The following CGREF1 variants were observed in gnomAD, a reference collection of about 807,000 sequenced individuals.
CGREF1 encodes cell growth regulator with EF-hand domain 1, also known as cell growth regulator with EF hand domain protein 1.
CGREF1 carries 16 observed loss-of-function variants against 17.4 expected under a neutral mutation model. That is an observed-to-expected ratio of 0.92 (90% CI 0.62 to 1.40). The LOEUF is 1.40. Among genes scored for constraint, CGREF1 ranks in the 40% most tolerant of loss-of-function variants. The pLI, the probability that CGREF1 is intolerant of heterozygous loss-of-function variation, is 0.00. For missense variants in CGREF1, 296 were observed against 376.4 expected, an observed-to-expected ratio of 0.79 and a Z score of 1.77; for synonymous variants, 142 against 154.6, an observed-to-expected ratio of 0.92 and a Z score of 0.61.
chr2:27,102,496 C>T, intron 3 of CGREF1, 30 bp downstream of exon 3: 6 of 1,613,950 alleles, frequency 3.7e-6, no homozygotes, highest in Non-Finnish European at 5.1e-6. Context: ...GGTCTTCTCC[C>T]TGAAAGCACC....
At chr2:27,105,056 C>T (rs531986527) in intron 1 of CGREF1, among the ~76,000 whole-genome samples, 1 of 152,318 alleles carries the variant, frequency 6.6e-6, no homozygotes, top group Non-Finnish European at 1.5e-5. Context: ...TGGCTTAGGC[C>T]CATTGGCAAA....
chr2:27,115,099 C>T (rs563459267), intron 1 of CGREF1, among the ~76,000 whole-genome samples: 1 of 152,296 alleles, frequency 6.6e-6, no homozygotes, highest in South Asian at 2.1e-4. Context: ...ATTGGAAAAC[C>T]AACCATGTAA....
chr2:27,104,432 C>T (rs1396213571), intron 1 of CGREF1, 55 bp from the exon 2 acceptor site: 4 of 1,596,216 alleles, frequency 2.5e-6, no homozygotes, highest in Non-Finnish European at 3.4e-6. Context: ...GCCACCGTGT[C>T]ACAGATGGGC....
At chr2:27,103,662 C>T (rs1404630461) in intron 2 of CGREF1, among the ~76,000 whole-genome samples, 7 of 151,416 alleles carry the variant, frequency 4.6e-5, no homozygotes, top group African/African-American at 1.7e-4. Flanking sequence ...GTGTGAGCCA[C>T]CACACCCAGC....
In CGREF1 at chr2:27,101,436, AGCCTCTGCCTGGCCCCC is replaced by A. The variant is rs774609540; in HGVS notation, c.778_794del (p.Gly260Ter). On this transcript the variant is annotated frameshift_variant, in exon 6 of 6. Coordinates refer to ENST00000402394, the MANE Select transcript of CGREF1 (RefSeq NM_006569.6). LOFTEE classifies it low-confidence loss of function (END_TRUNC). The stretch of plus-strand genomic sequence containing the variant: ...CTCTGGGCCCGGGGGCATCTCCTTC[AGCCTCTGCCTGGCCCCC>A]AGCTTCCCCTCTGGGCCCGGGGGCA... 4 of 1,062,320 alleles carry A rather than the reference AGCCTCTGCCTGGCCCCC, an allele frequency of 3.8e-6. No homozygotes were observed. Among genetic ancestry groups the A allele is most frequent in the East Asian group, 7.3e-5 (1 of 13,702 alleles). The allele number at this position is 1,062,320 out of a possible 1,614,324, so 65.8% of individuals were successfully genotyped here. A position where few individuals can be genotyped will look rare whatever the true frequency, so the allele number is the denominator to read the frequency against.
chr2:27,107,735 C>T (rs2148389174), intron 1 of CGREF1, among the ~76,000 whole-genome samples: 1 of 150,560 alleles, frequency 6.6e-6, no homozygotes, highest in East Asian at 2.0e-4. Context: ...GTGATTGAGA[C>T]CATCCTGGCC....
rs78496618 is a variant in CGREF1 at position 27,101,071 on chromosome 2, G to C, written c.*203C>G. On this transcript the variant is annotated 3_prime_UTR_variant, in exon 6 of 6. Transcript: ENST00000402394. ...AGGCTGGACGGGTAGAGAGGTGGCC[G>C]GGGGGATGAATTCATTCAGTTCTTT... 4 of 1,020,552 alleles carry C rather than the reference G, an allele frequency of 3.9e-6. No homozygotes were observed. The highest frequency in any genetic ancestry group is 5.1e-6 in the Non-Finnish European group (4 of 787,968). 63.2% of individuals were successfully genotyped at this position (1,020,552 alleles called of 1,614,324 possible). A position where few individuals can be genotyped will look rare whatever the true frequency, so the allele number is the denominator to read the frequency against.
At chr2:27,118,296 A>G (rs1419168809) in intron 1 of CGREF1, among the ~76,000 whole-genome samples, 1 of 152,162 alleles carries the variant, frequency 6.6e-6, no homozygotes, top group East Asian at 1.9e-4. Context: ...CATCTCCTGT[A>G]GAGTCGAACT....
chr2:27,100,475 C>T (rs1188761886), downstream of CGREF1: 1 of 1,291,016 alleles, frequency 7.7e-7, no homozygotes, highest in Non-Finnish European at 1.0e-6. Context: ...GTGTTGCTGT[C>T]CTCAGGGAGG....
intron 1 of CGREF1, among the ~76,000 whole-genome samples, chr2:27,116,622 T>G (rs1442778941): frequency 6.6e-6 from 1 of 151,168 alleles, no homozygotes; most frequent in Non-Finnish European, 1.5e-5. Flanking sequence ...CAGGCTGGAG[T>G]GCAATGGCGC....
chr2:27,102,668 C>T (rs765822071), intron 2 of CGREF1, 77 bp from the exon 3 acceptor site: 2 of 1,465,316 alleles, frequency 1.4e-6, no homozygotes, highest in Non-Finnish European at 1.9e-6. Context: ...TGCCTCCAAT[C>T]TCCTGGCAGT....
At chr2:27,107,254 T>TTTTTGTTTTGTTTTG (rs70953849) in intron 1 of CGREF1, among the ~76,000 whole-genome samples, 16 of 151,356 alleles carry the variant, frequency 1.1e-4, no homozygotes, top group East Asian at 3.9e-4. Flanking sequence ...GTTCACATTT[T>TTTTTGTTTTGTTTTG]TTTTGTTTTG....
intron 1 of CGREF1, among the ~76,000 whole-genome samples, chr2:27,107,677 G>A (rs1671178682): frequency 6.6e-6 from 1 of 150,964 alleles, no homozygotes; most frequent in Admixed American, 6.6e-5. Context: ...GCTCATGCCT[G>A]TAGTCCCCGC....
At position 27,100,878 on chromosome 2, in the gene CGREF1, GTT is replaced by G; in HGVS notation, c.*394_*395del. 1 of 1,092,628 alleles carries G rather than the reference GTT, an allele frequency of 9.2e-7. No homozygotes were observed. The highest frequency in any genetic ancestry group is 2.7e-5 in the South Asian group (1 of 37,546). The allele number at this position is 1,092,628 out of a possible 1,614,324, so 67.7% of individuals were successfully genotyped here. On this transcript the variant is annotated 3_prime_UTR_variant, in exon 6 of 6. Coordinates refer to ENST00000402394, the MANE Select transcript of CGREF1 (RefSeq NM_006569.6). ...ACCAGGTGAGGGGGAACCGGTGAGGGTTTGGGGCCCAGGGATAGACTGAGCTT... is the reference window on the plus strand; with the variant it reads ...ACCAGGTGAGGGGGAACCGGTGAGGGTGGGGCCCAGGGATAGACTGAGCTT...
At chr2:27,110,577 A>AAAAT (rs1553347624) in intron 1 of CGREF1, 40 of 151,504 alleles carry the variant, frequency 2.6e-4, no homozygotes, top group South Asian at 4.2e-4. Flanking sequence ...TAAAATAAAA[A>AAAAT]ATATATATAT....
At chr2:27,107,081 T>C (rs1671148698) in intron 1 of CGREF1, among the ~76,000 whole-genome samples, 2 of 152,168 alleles carry the variant, frequency 1.3e-5, no homozygotes, top group Admixed American at 1.3e-4. Flanking sequence ...CCTCAAAGAA[T>C]TTCCATAGGT....
downstream of CGREF1, chr2:27,099,457 G>A (rs139948811): frequency 5.9e-5 from 95 of 1,614,000 alleles, no homozygotes; most frequent in East Asian, 5.1e-4. Context: ...GGAGGGCGCC[G>A]ACGCCCTGGG....
intron 5 of CGREF1, 78 bp downstream of exon 5, chr2:27,102,019 A>G (rs915998565): frequency 2.1e-5 from 33 of 1,559,502 alleles, no homozygotes; most frequent in Non-Finnish European, 2.8e-5. Flanking sequence ...ACTCACCAAA[A>G]GAGTTATGAT....
downstream of CGREF1, chr2:27,099,836 T>G (rs1397881088): frequency 6.4e-7 from 1 of 1,560,292 alleles, no homozygotes; most frequent in Non-Finnish European, 8.7e-7. Context: ...GGCGTCCAGG[T>G]TGCCCTGTTC....
Sources: allele counts gnomAD v4.1 joint callset (sites outside exome capture counted in the v4.1 genomes callset), GRCh38; gene constraint gnomAD v4.1.1; transcripts MANE v1.5; gene names NCBI Gene and HGNC (gene_info 2026-07-23, HGNC 2026-07-21).